The following WWP2 variants were observed in gnomAD, a reference collection of about 807,000 sequenced individuals.
The protein encoded by WWP2 is NEDD4-like E3 ubiquitin-protein ligase WWP2.
Under a neutral mutation model 121.0 loss-of-function variants are expected in WWP2, and 57 were observed. The ratio of observed to expected loss-of-function variants is 0.47; its 90% CI spans 0.38 to 0.59. The LOEUF (loss-of-function observed/expected upper bound fraction) is 0.59, where lower values mean the gene tolerates loss of function less well. Ranked by LOEUF, WWP2 falls within the 20% of genes least tolerant of loss-of-function variation. The pLI, the probability that WWP2 is intolerant of heterozygous loss-of-function variation, is 0.00. For synonymous variants in WWP2, 449 were observed against 441.3 expected, an observed-to-expected ratio of 1.02 and a Z score of -0.22; for missense variants, 962 against 1,158.9, an observed-to-expected ratio of 0.83 and a Z score of 2.47.
Position 69,807,058 on chromosome 16 carries a change from A to G in WWP2, c.340+7763A>G, listed in dbSNP as rs191963003. On this transcript the variant is annotated intron_variant, in intron 4 of 23. Transcript: ENST00000359154. ...TCTTTTTTTTTTTGAGATGGAGTTT[A>G]TCTCTTTTTGCCCAGGATGGAGTGC... Among the ~76,000 whole-genome samples, 324 of 144,802 alleles carry G rather than the reference A, an allele frequency of 2.2e-3. 2 individuals are homozygous for G. The highest frequency in any genetic ancestry group is 7.6e-3 in the African/African-American group (298 of 39,104). The allele number at this position is 144,802 out of a possible 152,430, so 95.0% of individuals were successfully genotyped here.
intron 4 of WWP2, among the ~76,000 whole-genome samples, chr16:69,808,495 A>G (rs1163345862): frequency 3.9e-5 from 6 of 152,102 alleles, no homozygotes; most frequent in Non-Finnish European, 8.8e-5. Flanking sequence ...TCCACCTCCC[A>G]GGTTCAAGCA....
intron 11 of WWP2, among the ~76,000 whole-genome samples, chr16:69,926,784 A>G (rs2058646262): frequency 6.6e-6 from 1 of 152,098 alleles, no homozygotes; most frequent in African/African-American, 2.4e-5. Flanking sequence ...ATTGGCAGCA[A>G]CTCCAATGCG....
chr16:69,802,410 C>T (rs76921156), intron 4 of WWP2, among the ~76,000 whole-genome samples: 2,175 of 152,218 alleles, frequency 0.014, 48 homozygotes, highest in African/African-American at 0.047. Flanking sequence ...ATGACTCCCC[C>T]ATCCTCCCCT....
At chr16:69,823,085 C>T (rs984034163) in intron 4 of WWP2, among the ~76,000 whole-genome samples, 5 of 152,094 alleles carry the variant, frequency 3.3e-5, no homozygotes, top group South Asian at 4.2e-4. Context: ...GAGCCAAGAT[C>T]GCGCCACTGC....
chr16:69,798,901 G>T (rs2056104863), intron 3 of WWP2, 72 bp downstream of exon 3: 1 of 1,577,900 alleles, frequency 6.3e-7, no homozygotes, highest in African/African-American at 1.4e-5. Context: ...GGGGGTTGTG[G>T]GAGGTACAGA....
At chr16:69,921,065 T>G (rs2058555552) in intron 10 of WWP2, among the ~76,000 whole-genome samples, 1 of 152,190 alleles carries the variant, frequency 6.6e-6, no homozygotes, top group African/African-American at 2.4e-5. Context: ...TACTCTAAAA[T>G]GGTTTTCTCA....
At chr16:69,888,416 A>G (rs186223320) in intron 8 of WWP2, among the ~76,000 whole-genome samples, 167 bp downstream of exon 8, 1 of 152,276 alleles carries the variant, frequency 6.6e-6, no homozygotes, top group African/African-American at 2.4e-5. Flanking sequence ...GTTCTACATA[A>G]ATCTTAAAAA....
Position 69,940,651 on chromosome 16 carries a change from A to G in WWP2, c.*711A>G, listed in dbSNP as rs980736386. 1.3e-5 allele frequency: 2 copies of G among 152,250 alleles called. No individual in the cohort carries two copies. The highest frequency in any genetic ancestry group is 4.8e-5 in the African/African-American group (2 of 41,454). The allele number at this position is 152,250 out of a possible 1,614,324, so 9.4% of individuals were successfully genotyped here. On this transcript the variant is annotated 3_prime_UTR_variant, in exon 24 of 24. Transcript: ENST00000359154. The stretch of plus-strand genomic sequence containing the variant: ...TGAAGTGGTTGTGTTGTAGGGTTGC[A>G]GGTTTTTTGTTACGCTGCTGTCACT...
intron 11 of WWP2, among the ~76,000 whole-genome samples, chr16:69,926,748 A>C (rs1218776187): frequency 6.6e-6 from 1 of 152,212 alleles, no homozygotes; most frequent in Non-Finnish European, 1.5e-5. Context: ...TCCCTGGACC[A>C]AAGAAAGATC....
Position 69,888,303 on chromosome 16 carries a change from CTTTACGGGGGTG to C in WWP2, c.914+55_914+66del, listed in dbSNP as rs1198979688. The C allele has an allele frequency of 1.9e-6, 3 of 1,558,438 alleles. No homozygotes were observed. The East Asian group carries it at 6.9e-5, about 36-fold the overall frequency. ...CTCTCCTCCTCAAAGACTGAGGCTC[CTTTACGGGGGTG>C]GAAACAACGTGGTTATTTATTACCT... is the stretch of plus-strand genomic sequence containing the variant. On this transcript the variant is annotated intron_variant, in intron 8 of 23. Transcript: ENST00000359154.
chr16:69,920,474 C>A lies in WWP2; in HGVS notation c.1179+2591C>A, dbSNP rs1226606657. Among the ~76,000 whole-genome samples the A allele has an allele frequency of 2.0e-5, 3 of 152,220 alleles. No homozygotes were observed. The East Asian group carries it at 5.8e-4, about 29-fold the overall frequency. On this transcript the variant is annotated intron_variant, in intron 10 of 23. Coordinates refer to ENST00000359154, the MANE Select transcript of WWP2 (RefSeq NM_001270454.2). ...AGCTGGGCCCAAAAGATTTTGCCTG[C>A]CATTTTCTTGGGTGGTTGTGGCTGC...
At chr16:69,871,140 C>T (rs1335434019) in intron 6 of WWP2, among the ~76,000 whole-genome samples, 1 of 151,936 alleles carries the variant, frequency 6.6e-6, no homozygotes, top group Admixed American at 6.6e-5. Flanking sequence ...AAAAAATGAG[C>T]CAGGCGTGGT....
At chr16:69,911,978 A>C (rs1350635266) in intron 9 of WWP2, among the ~76,000 whole-genome samples, 1 of 152,150 alleles carries the variant, frequency 6.6e-6, no homozygotes, top group Admixed American at 6.6e-5. Flanking sequence ...AGAGGCACCA[A>C]GGATGGGTGT....
chr16:69,772,370 G>A (rs762728340), intron 1 of WWP2, among the ~76,000 whole-genome samples: 3 of 152,008 alleles, frequency 2.0e-5, no homozygotes, highest in African/African-American at 2.4e-5. Context: ...CCTTACTTTC[G>A]GAGGTACCTG....
At chr16:69,938,062 A>G (rs3762177) in intron 21 of WWP2, among the ~76,000 whole-genome samples, 122,728 of 152,266 alleles carry the variant, frequency 0.81, 49,971 homozygotes, top group East Asian at 0.96. Flanking sequence ...TCGTTATGAA[A>G]TACAGCATAC....
intron 18 of WWP2, 21 bp downstream of exon 18, chr16:69,936,007 C>A: frequency 6.2e-7 from 1 of 1,610,858 alleles, no homozygotes; most frequent in East Asian, 2.2e-5. Flanking sequence ...TGCCCCCTTG[C>A]CCCACCGCGC....
intron 7 of WWP2, among the ~76,000 whole-genome samples, chr16:69,882,470 C>T (rs960940475): frequency 9.9e-5 from 15 of 152,134 alleles, no homozygotes; most frequent in Admixed American, 6.5e-4. Context: ...TTAAGCATTA[C>T]GGACAATGTA....
rs1034184989 is a variant in WWP2, at chr16:69,925,208, C to T, written c.1180-222C>T. 7.2e-7 allele frequency: 1 copy of T among 1,387,020 alleles called. No homozygotes were observed. Among genetic ancestry groups the T allele is most frequent in the Non-Finnish European group, 9.3e-7 (1 of 1,070,076 alleles). The allele number at this position is 1,387,020 out of a possible 1,614,324, so 85.9% of individuals were successfully genotyped here. ...CTGCCTTTTCCAAAACTCACTTGGG[C>T]CCTCCGTGCGCAGGGTTCTTTTTTG... On this transcript the variant is annotated intron_variant, in intron 10 of 23. Coordinates refer to ENST00000359154, the MANE Select transcript of WWP2 (RefSeq NM_001270454.2). This position sits in a 1 kb window ranked among gnomAD's most constrained non-coding sequence, Gnocchi z 4.0.
Position 69,935,771 on chromosome 16 carries a change from GTT to G in WWP2, c.1843-80_1843-79del, listed in dbSNP as rs1043917692. On this transcript the variant is annotated intron_variant, in intron 17 of 23. Coordinates refer to ENST00000359154, the MANE Select transcript of WWP2 (RefSeq NM_001270454.2). This position sits in a 1 kb window ranked among gnomAD's most constrained non-coding sequence, Gnocchi z 5.2. The stretch of plus-strand genomic sequence containing the variant: ...AAGGAAGGCGGGTAGCGGTAGCAGA[GTT>G]TGATACCGAGCATCTGAGAGCTGGT... The G allele has an allele frequency of 2.9e-5, 44 of 1,530,732 alleles. No individual in the cohort carries two copies. The Middle Eastern group carries it at 5.5e-4, about 19-fold the overall frequency. The allele number at this position is 1,530,732 out of a possible 1,614,324, so 94.8% of individuals were successfully genotyped here. A position where few individuals can be genotyped will look rare whatever the true frequency, so the allele number is the denominator to read the frequency against.
Sources: allele counts gnomAD v4.1 joint callset (sites outside exome capture counted in the v4.1 genomes callset), GRCh38; gene constraint gnomAD v4.1.1; non-coding constraint Gnocchi (gnomAD v3.1); transcripts MANE v1.5; gene names NCBI Gene and HGNC (gene_info 2026-07-23, HGNC 2026-07-21).